Variants in NR6A1 observed in about 807,000 individuals in gnomAD.
NR6A1 encodes retinoic acid receptor-related testis-associated receptor.
In NR6A1, 7 loss-of-function variants were observed where a neutral mutation model predicts 59.1. That is an observed-to-expected ratio of 0.12 (90% confidence interval 0.07 to 0.22). NR6A1 has a LOEUF of 0.22. Ranked by LOEUF, NR6A1 falls within the 10% of genes least tolerant of loss-of-function variation. NR6A1 has a pLI of 1.00. For missense variants in NR6A1, 468 were observed against 611.6 expected, an observed-to-expected ratio of 0.77 and a Z score of 2.48; for synonymous variants, 243 against 236.1, an observed-to-expected ratio of 1.03 and a Z score of -0.27.
At chr9:124,756,327 G>A (rs1840629258) in intron 1 of NR6A1, among the ~76,000 whole-genome samples, 1 of 152,196 alleles carries the variant, frequency 6.6e-6, no homozygotes, top group South Asian at 2.1e-4. Context: ...TTATTAAAGA[G>A]CATTATAAAA....
Position 124,657,002 on chromosome 9 carries a change from C to T in NR6A1, c.142+76306G>A, listed in dbSNP as rs535182125. On this transcript the variant is annotated intron_variant, in intron 2 of 9. Coordinates refer to ENST00000487099, the MANE Select transcript of NR6A1 (RefSeq NM_033334.4). The stretch of plus-strand genomic sequence containing the variant: ...GATGGTGGTGAAGGCTGCAAAACAA[C>T]GTGAATGCACTTAACACCACAGAAC... Among the ~76,000 whole-genome samples the T allele has an allele frequency of 7.2e-5, 11 of 151,910 alleles. No individual in the cohort carries two copies. The South Asian group carries it at 1.5e-3, about 20-fold the overall frequency.
In NR6A1 at chr9:124,740,777, A is replaced by G. The variant is rs187986562; in HGVS notation, c.101-7428T>C. On this transcript the variant is annotated intron_variant, in intron 1 of 9. Coordinates refer to ENST00000487099, the MANE Select transcript of NR6A1 (RefSeq NM_033334.4). Reference sequence around the variant, plus strand: ...CTCTAGTCAGCTGTATCAGTTTCCCATCTACCTTGTCTCCCGTGATCATGA... The same window carrying G: ...CTCTAGTCAGCTGTATCAGTTTCCCGTCTACCTTGTCTCCCGTGATCATGA... Among the ~76,000 whole-genome samples the G allele has an allele frequency of 4.3e-4, 65 of 152,254 alleles. 1 individual carries two copies. The highest frequency in any genetic ancestry group is 7.8e-4 in the Admixed American group (12 of 15,300).
At chr9:124,585,976 A>G (rs117899993) in intron 2 of NR6A1, among the ~76,000 whole-genome samples, 1 of 152,206 alleles carries the variant, frequency 6.6e-6, no homozygotes. Context: ...AGAAACAAAG[A>G]TAACTTTAAA....
At chr9:124,713,360 T>C (rs1177833024) in intron 2 of NR6A1, among the ~76,000 whole-genome samples, 1 of 150,218 alleles carries the variant, frequency 6.7e-6, no homozygotes, top group Non-Finnish European at 1.5e-5. Context: ...TTATTGGATA[T>C]GATACAAAAA....
chr9:124,670,728 T>C (rs1050681636), intron 2 of NR6A1, among the ~76,000 whole-genome samples: 3 of 152,256 alleles, frequency 2.0e-5, no homozygotes, highest in African/African-American at 7.2e-5. Flanking sequence ...AGTAGGATAT[T>C]GGGGGCCCAA....
intron 2 of NR6A1, among the ~76,000 whole-genome samples, chr9:124,574,833 TA>T (rs1309705532): frequency 6.6e-6 from 1 of 152,252 alleles, no homozygotes; most frequent in Non-Finnish European, 1.5e-5. Flanking sequence ...TACTACGTTT[TA>T]AATGAATGCA....
intron 2 of NR6A1, among the ~76,000 whole-genome samples, chr9:124,640,631 C>T (rs1836743730): frequency 6.6e-6 from 1 of 151,942 alleles, no homozygotes; most frequent in Non-Finnish European, 1.5e-5. Flanking sequence ...AATTACTGGC[C>T]TCAAGCAATC....
chr9:124,567,842 T>A (rs1183042769), intron 2 of NR6A1, among the ~76,000 whole-genome samples: 1 of 145,930 alleles, frequency 6.9e-6, no homozygotes, highest in Non-Finnish European at 1.5e-5. Flanking sequence ...TTTTTTTTTT[T>A]TTTTTTTTTT....
chr9:124,535,798 G>T, intron 7 of NR6A1, 80 bp downstream of exon 7: 1 of 1,540,810 alleles, frequency 6.5e-7, no homozygotes. Context: ...CCTATCCTCT[G>T]AAGGGCCAGG....
chr9:124,601,869 G>C (rs1350808787), intron 2 of NR6A1, among the ~76,000 whole-genome samples: 1 of 151,342 alleles, frequency 6.6e-6, no homozygotes, highest in Non-Finnish European at 1.5e-5. Flanking sequence ...TGGGAGGGTT[G>C]CTTGAGCCTG....
At chr9:124,697,975 T>G (rs1838821255) in intron 2 of NR6A1, among the ~76,000 whole-genome samples, 1 of 152,160 alleles carries the variant, frequency 6.6e-6, no homozygotes, top group Admixed American at 6.5e-5. Flanking sequence ...AAGATCTTAG[T>G]GTATGTGCAT....
At chr9:124,563,903 C>T (rs1300025470) in intron 2 of NR6A1, among the ~76,000 whole-genome samples, 1 of 152,058 alleles carries the variant, frequency 6.6e-6, no homozygotes, top group Non-Finnish European at 1.5e-5. Context: ...TAGCAAGACC[C>T]CATCCCTACG....
chr9:124,582,968 T>TCC (rs145604641), intron 2 of NR6A1, among the ~76,000 whole-genome samples: 7 of 151,778 alleles, frequency 4.6e-5, no homozygotes, highest in South Asian at 2.1e-4. Context: ...AGTACGCCCT[T>TCC]CCCCCCCAAA....
At chr9:124,575,729 C>T (rs1007733745) in intron 2 of NR6A1, among the ~76,000 whole-genome samples, 6 of 148,790 alleles carry the variant, frequency 4.0e-5, no homozygotes, top group Non-Finnish European at 7.4e-5. Context: ...TTTATCACAT[C>T]GTAACTGTGA....
chr9:124,612,949 A>T (rs1835797889), intron 2 of NR6A1, among the ~76,000 whole-genome samples: 1 of 152,210 alleles, frequency 6.6e-6, no homozygotes, highest in Non-Finnish European at 1.5e-5. Context: ...CATTTAATAT[A>T]GCAGTTCTAA....
chr9:124,692,709 ATTTG>A (rs1372110681), intron 2 of NR6A1, among the ~76,000 whole-genome samples: 1 of 152,284 alleles, frequency 6.6e-6, no homozygotes, highest in South Asian at 2.1e-4. Flanking sequence ...TTTTATTATT[ATTTG>A]TTTGTTTTTA....
chr9:124,727,684 T>C (rs529126817), intron 2 of NR6A1, among the ~76,000 whole-genome samples: 3 of 152,096 alleles, frequency 2.0e-5, no homozygotes, highest in African/African-American at 7.3e-5. Flanking sequence ...TTAATGACTT[T>C]ATTTATTTAT....
At chr9:124,646,002 T>C (rs1836919595) in intron 2 of NR6A1, among the ~76,000 whole-genome samples, 1 of 152,044 alleles carries the variant, frequency 6.6e-6, no homozygotes, top group Admixed American at 6.6e-5. Context: ...GATTAAACAA[T>C]ACAATTCTAA....
In NR6A1 at chr9:124,642,126, G is replaced by A. The variant is rs537069155; in HGVS notation, c.143-87556C>T. ...TGCAGTGGCGCGATCTCAGCTCACT[G>A]CAACCTCTGCCTCCTGGGTTCAAGC... is the stretch of plus-strand genomic sequence containing the variant. On this transcript the variant is annotated intron_variant, in intron 2 of 9. Coordinates refer to ENST00000487099, the MANE Select transcript of NR6A1 (RefSeq NM_033334.4). Among the ~76,000 whole-genome samples the A allele has an allele frequency of 6.0e-4, 91 of 152,174 alleles. 1 individual carries two copies. The South Asian group carries it at 0.018, about 31-fold the overall frequency.
Sources: gnomAD v4.1 joint callset for allele counts (sites outside exome capture counted in the v4.1 genomes callset) on GRCh38, gnomAD v4.1.1 for gene constraint, MANE v1.5 for transcripts, NCBI Gene and HGNC (gene_info 2026-07-23, HGNC 2026-07-21) for gene names.